Variants in PDE1C observed in about 807,000 individuals in gnomAD.
PDE1C encodes the protein dual specificity calcium/calmodulin-dependent 3',5'-cyclic nucleotide phosphodiesterase 1C.
A neutral mutation model predicts 93.1 loss-of-function variants in PDE1C; 62 were observed. The ratio of observed to expected loss-of-function variants is 0.67; its 90% CI spans 0.54 to 0.82. The LOEUF is 0.82. Ranked by LOEUF, PDE1C falls within the 40% of genes least tolerant of loss-of-function variation. PDE1C has a pLI of 0.00. For missense variants in PDE1C, 742 were observed against 884.6 expected, an observed-to-expected ratio of 0.84 and a Z score of 2.04; for synonymous variants, 325 against 310.1, an observed-to-expected ratio of 1.05 and a Z score of -0.50.
intron 12 of PDE1C, among the ~76,000 whole-genome samples, chr7:31,825,538 G>A (rs1340574509): frequency 1.3e-5 from 2 of 152,082 alleles, no homozygotes; most frequent in African/African-American, 4.8e-5. Context: ...GGACTTAGGT[G>A]GACACTGGAG....
At chr7:32,191,808 TG>T (rs1285503068) in intron 2 of PDE1C, among the ~76,000 whole-genome samples, 4 of 152,220 alleles carry the variant, frequency 2.6e-5, no homozygotes, top group Non-Finnish European at 5.9e-5. Context: ...CTTTTCAGAA[TG>T]GCTGTATCAC....
chr7:32,066,575 T>C (rs1286763598), intron 1 of PDE1C, among the ~76,000 whole-genome samples: 1 of 152,136 alleles, frequency 6.6e-6, no homozygotes, highest in Non-Finnish European at 1.5e-5. Flanking sequence ...GTTTCTGACA[T>C]CATCTAGCAG....
intron 2 of PDE1C, among the ~76,000 whole-genome samples, chr7:32,183,837 A>T (rs905134596): frequency 1.3e-5 from 2 of 152,212 alleles, no homozygotes; most frequent in Non-Finnish European, 2.9e-5. Context: ...TGCACAGCAA[A>T]AGAAACTACC....
chr7:31,673,095 TA>T, the PDE1C span, among the ~76,000 whole-genome samples: 10 of 152,258 alleles, frequency 6.6e-5, no homozygotes, highest in East Asian at 1.9e-3. Flanking sequence ...CTTTCCTTCC[TA>T]AATTATCCAG....
chr7:31,785,532 C>T (rs1783836203), intron 16 of PDE1C: 1 of 152,144 alleles, frequency 6.6e-6, no homozygotes, highest in Non-Finnish European at 1.5e-5. Flanking sequence ...TTAAACTTGA[C>T]CATCATACAT....
intron 2 of PDE1C, among the ~76,000 whole-genome samples, chr7:31,992,235 C>T (rs1256005618): frequency 6.6e-6 from 1 of 152,196 alleles, no homozygotes; most frequent in Non-Finnish European, 1.5e-5. Flanking sequence ...GTGCACAAAA[C>T]ACACATGGCT....
At chr7:32,096,611 T>A (rs1797758547) in intron 3 of PDE1C, among the ~76,000 whole-genome samples, 1 of 152,200 alleles carries the variant, frequency 6.6e-6, no homozygotes, top group Non-Finnish European at 1.5e-5. Context: ...AAATGAACAC[T>A]ATTACATAAT....
At chr7:31,916,948 C>T (rs188098938) in intron 2 of PDE1C, among the ~76,000 whole-genome samples, 4 of 152,230 alleles carry the variant, frequency 2.6e-5, no homozygotes, top group Admixed American at 2.6e-4. Context: ...TTTGACATTG[C>T]TATTCTTCTA....
the PDE1C span, among the ~76,000 whole-genome samples, chr7:31,739,432 C>T: frequency 4.6e-5 from 7 of 152,108 alleles, no homozygotes; most frequent in African/African-American, 1.4e-4. Flanking sequence ...CTGGAAGCAT[C>T]GTGATCTTGA....
chr7:32,143,244 G>C (rs1800638031), intron 3 of PDE1C, among the ~76,000 whole-genome samples: 1 of 151,326 alleles, frequency 6.6e-6, no homozygotes, highest in Non-Finnish European at 1.5e-5. Context: ...AGATCCCTTA[G>C]GTACTTAAGT....
At chr7:32,167,157 CAG>C (rs1455884975) in intron 3 of PDE1C, among the ~76,000 whole-genome samples, 2 of 152,158 alleles carry the variant, frequency 1.3e-5, no homozygotes, top group African/African-American at 4.8e-5. Context: ...TCTTTGGAAA[CAG>C]AAAGTAGAAT....
At chr7:31,632,972 C>A in the PDE1C span, among the ~76,000 whole-genome samples, 2 of 151,944 alleles carry the variant, frequency 1.3e-5, no homozygotes, top group African/African-American at 4.8e-5. Flanking sequence ...CTGCAACCTC[C>A]GACTCCCTGG....
chr7:31,767,840 C>T (rs2109835), intron 17 of PDE1C, among the ~76,000 whole-genome samples: 1 of 151,890 alleles, frequency 6.6e-6, no homozygotes, highest in Non-Finnish European at 1.5e-5. Context: ...TAAAAACAGA[C>T]CAAGCTAGCT....
chr7:32,355,042 T>C (rs1248832875), intron 1 of PDE1C, among the ~76,000 whole-genome samples: 1 of 151,664 alleles, frequency 6.6e-6, no homozygotes, highest in Non-Finnish European at 1.5e-5. Context: ...CTCTCATCCC[T>C]GGCAGGAACC....
rs898560001 is a variant in PDE1C at position 32,112,608 on chromosome 7, C to T, written c.308+57177G>A. ...AGTACCTAGGACTATAGACACATGC[C>T]ACCACATCTAGCTGCTTTTTTTTTT... On this transcript the variant is annotated intron_variant, in intron 3 of 18. Coordinates refer to the PDE1C transcript ENST00000396193. Among the ~76,000 whole-genome samples the T allele has an allele frequency of 6.4e-5, 9 of 140,216 alleles. No individual in the cohort carries two copies. The East Asian group carries it at 1.6e-3, about 25-fold the overall frequency. 92.0% of individuals were successfully genotyped at this position (140,216 alleles called of 152,430 possible).
At chr7:32,209,906 G>A (rs1397636059) in intron 1 of PDE1C, among the ~76,000 whole-genome samples, 2 of 152,192 alleles carry the variant, frequency 1.3e-5, no homozygotes, top group Non-Finnish European at 2.9e-5. Context: ...TAACAGTGCT[G>A]TCTGTCAACA....
chr7:31,993,274 TA>T (rs1784354034), intron 2 of PDE1C, among the ~76,000 whole-genome samples: 1 of 152,200 alleles, frequency 6.6e-6, no homozygotes, highest in Admixed American at 6.5e-5. Flanking sequence ...GCTCAATAGA[TA>T]ATTGCTGTTT....
intron 2 of PDE1C, among the ~76,000 whole-genome samples, chr7:32,200,207 G>A (rs1351914115): frequency 6.6e-6 from 1 of 152,050 alleles, no homozygotes. Context: ...CCTCTTATAG[G>A]TTTTTTGTTT....
chr7:32,065,416 G>C (rs561866088), intron 1 of PDE1C, among the ~76,000 whole-genome samples: 5 of 152,292 alleles, frequency 3.3e-5, no homozygotes, highest in Middle Eastern at 3.4e-3. Flanking sequence ...GAGTCTCCTA[G>C]AATGAATACA....
Sources: allele counts gnomAD v4.1 joint callset (sites outside exome capture counted in the v4.1 genomes callset), GRCh38; gene constraint gnomAD v4.1.1; transcripts MANE v1.5; gene names NCBI Gene and HGNC (gene_info 2026-07-23, HGNC 2026-07-21).